SMG6: variants seen among roughly 807,000 people sequenced by gnomAD.
The protein encoded by SMG6 is SMG6 nonsense mediated mRNA decay factor.
Under a neutral mutation model 142.2 loss-of-function variants are expected in SMG6, and 66 were observed. That is an observed-to-expected ratio of 0.46 (90% CI 0.38 to 0.57). The LOEUF (loss-of-function observed/expected upper bound fraction) is 0.57. SMG6 is among the 20% of genes least tolerant of loss of function. The pLI is 0.00. For synonymous variants in SMG6, 779 were observed against 702.4 expected (o/e 1.11, Z -1.72); for missense variants, 1,793 against 1,832.0 (o/e 0.98, Z 0.39).
At chr17:2,199,079 A>G (rs898231534) in intron 10 of SMG6, among the ~76,000 whole-genome samples, 2 of 152,188 alleles carry the variant, frequency 1.3e-5, no homozygotes, top group African/African-American at 4.8e-5. Context: ...TTCCACAGCA[A>G]GCAGCACAAG....
chr17:2,254,884 A>C (rs112766739), intron 8 of SMG6, among the ~76,000 whole-genome samples: 11 of 152,350 alleles, frequency 7.2e-5, no homozygotes, highest in African/African-American at 2.4e-4. Context: ...GCAGCACCAG[A>C]GATATCCTCT....
At chr17:2,292,837 G>T in intron 5 of SMG6, 34 bp downstream of exon 5, 1 of 1,576,096 alleles carries the variant, frequency 6.3e-7, no homozygotes, top group Non-Finnish European at 8.7e-7. Context: ...GAGCCACATA[G>T]GGAAGAGAAA....
At chr17:2,186,256 C>CA (rs397771010) in intron 12 of SMG6, among the ~76,000 whole-genome samples, 49,012 of 110,832 alleles carry the variant, frequency 0.44, 8,849 homozygotes, top group African/African-American at 0.52. Context: ...TACCCTGTTT[C>CA]AAAAAAAAAA....
At chr17:2,217,143 C>CA (rs1270919584) in intron 10 of SMG6, among the ~76,000 whole-genome samples, 6 of 152,132 alleles carry the variant, frequency 3.9e-5, no homozygotes, top group Non-Finnish European at 8.8e-5. Flanking sequence ...ATTTGCATAA[C>CA]ACAGCAAGTA....
intron 13 of SMG6, among the ~76,000 whole-genome samples, chr17:2,148,096 T>C (rs1274268847): frequency 1.3e-5 from 2 of 151,880 alleles, no homozygotes; most frequent in African/African-American, 4.8e-5. Context: ...GAGGCTGAGG[T>C]GGGACGATCG....
chr17:2,179,253 C>T (rs2071736461), intron 12 of SMG6, among the ~76,000 whole-genome samples: 1 of 152,220 alleles, frequency 6.6e-6, no homozygotes, highest in Admixed American at 6.5e-5. Context: ...TGGACTATTA[C>T]TCAGTGACCT....
chr17:2,222,522 T>C (rs1444639929), intron 10 of SMG6, among the ~76,000 whole-genome samples: 1 of 96,526 alleles, frequency 1.0e-5, no homozygotes. Flanking sequence ...CAGTCGTGAA[T>C]GAGCTCAGAG....
chr17:2,248,041 G>A (rs1233683355), intron 8 of SMG6, among the ~76,000 whole-genome samples: 2 of 152,060 alleles, frequency 1.3e-5, no homozygotes, highest in Admixed American at 1.3e-4. Context: ...GGGAGGCGGA[G>A]GCTGCAGTGA....
At chr17:2,088,669 G>A (rs1048221476) in intron 13 of SMG6, 3 of 985,364 alleles carry the variant, frequency 3.0e-6, no homozygotes, top group Non-Finnish European at 2.4e-6. Context: ...GCAGCAGGGA[G>A]GATGGTCAAA....
At chr17:2,061,712 G>A in intron 18 of SMG6, 90 bp from the exon 19 acceptor site, 1 of 1,419,718 alleles carries the variant, frequency 7.0e-7, no homozygotes, top group Non-Finnish European at 9.6e-7. Flanking sequence ...TGGTCCTGGG[G>A]AGGGGGTGCC....
At chr17:2,156,786 T>G (rs1183534690) in intron 13 of SMG6, among the ~76,000 whole-genome samples, 1 of 152,200 alleles carries the variant, frequency 6.6e-6, no homozygotes, top group African/African-American at 2.4e-5. Context: ...TCCAAGTAGC[T>G]GGGACTACAA....
chr17:2,187,328 G>A (rs546337292), intron 11 of SMG6, among the ~76,000 whole-genome samples: 60 of 152,284 alleles, frequency 3.9e-4, no homozygotes, highest in African/African-American at 1.4e-3. Context: ...TAAATGCAAC[G>A]TGTGCTCCTG....
intron 10 of SMG6, among the ~76,000 whole-genome samples, chr17:2,196,443 TAA>T (rs981106003): frequency 2.0e-5 from 3 of 151,804 alleles, no homozygotes; most frequent in African/African-American, 7.3e-5. Context: ...ACCCAGAAAA[TAA>T]AAGACAACCT....
Position 2,121,587 on chromosome 17 carries a change from C to CTGTG in SMG6, c.3358-35690_3358-35687dup, listed in dbSNP as rs71150850. On this transcript the variant is annotated intron_variant, in intron 13 of 18. Transcript: ENST00000263073. ...TATATGTATATATGTACATGTCTGT[C>CTGTG]TGTGTGTGTGTGTGTGTGTGTGTGT... Among the ~76,000 whole-genome samples the CTGTG allele has an allele frequency of 2.8e-3, 394 of 139,816 alleles. 3 individuals are homozygous for CTGTG. The highest frequency in any genetic ancestry group is 6.3e-3 in the South Asian group (26 of 4,144). 91.7% of individuals were successfully genotyped at this position (139,816 alleles called of 152,430 possible).
At chr17:2,213,274 T>C (rs1427607709) in intron 10 of SMG6, among the ~76,000 whole-genome samples, 1 of 152,180 alleles carries the variant, frequency 6.6e-6, no homozygotes, top group African/African-American at 2.4e-5. Context: ...AACAAATCAA[T>C]TAAGTTAACT....
intron 8 of SMG6, among the ~76,000 whole-genome samples, chr17:2,253,118 A>T (rs2074083875): frequency 9.9e-6 from 1 of 101,392 alleles, no homozygotes; most frequent in African/African-American, 3.2e-5. Flanking sequence ...AAAATATTTT[A>T]TTTTATTTAT....
chr17:2,241,681 G>A (rs867712200), intron 9 of SMG6, among the ~76,000 whole-genome samples: 18 of 152,106 alleles, frequency 1.2e-4, no homozygotes, highest in African/African-American at 3.9e-4. Flanking sequence ...GTGAGCCACC[G>A]CACCCGGTCA....
chr17:2,288,333 A>G (rs996416997), intron 6 of SMG6, among the ~76,000 whole-genome samples: 4 of 150,994 alleles, frequency 2.6e-5, no homozygotes, highest in Non-Finnish European at 5.9e-5. Flanking sequence ...AAAAAGAGCA[A>G]GACAGCCCGG....
At chr17:2,064,401 A>G (rs766264729) in intron 18 of SMG6, among the ~76,000 whole-genome samples, 324 of 152,298 alleles carry the variant, frequency 2.1e-3, no homozygotes, top group Non-Finnish European at 3.2e-3. Context: ...TGAGAAACCC[A>G]GAGTGGGCCT....
Sources: allele counts gnomAD v4.1 joint callset (sites outside exome capture counted in the v4.1 genomes callset), GRCh38; gene constraint gnomAD v4.1.1; transcripts MANE v1.5; gene names NCBI Gene and HGNC (gene_info 2026-07-23, HGNC 2026-07-21).